PLA2G12B: variants seen among roughly 807,000 people sequenced by gnomAD.
The protein encoded by PLA2G12B is group XIIB secretory phospholipase A2-like protein.
In PLA2G12B, 19 loss-of-function variants were observed where a neutral mutation model predicts 22.3. That is an observed-to-expected ratio of 0.85 (90% CI 0.60 to 1.25). The LOEUF (loss-of-function observed/expected upper bound fraction) is 1.25, where lower values mean the gene tolerates loss of function less well. PLA2G12B is among the 50% of genes most tolerant of loss of function. The pLI is 0.00. For missense variants in PLA2G12B, 191 were observed against 246.6 expected, an observed-to-expected ratio of 0.77 and a Z score of 1.51; for synonymous variants, 81 against 94.9, an observed-to-expected ratio of 0.85 and a Z score of 0.85.
At chr10:72,937,942 C>G (rs1277948802) in intron 3 of PLA2G12B, among the ~76,000 whole-genome samples, 1 of 151,790 alleles carries the variant, frequency 6.6e-6, no homozygotes. Flanking sequence ...GGCGAAACCC[C>G]GTCTCTACTA....
chr10:72,939,712 A>G (rs983577251), intron 3 of PLA2G12B, among the ~76,000 whole-genome samples: 3 of 152,248 alleles, frequency 2.0e-5, no homozygotes, highest in Non-Finnish European at 4.4e-5. Context: ...ACGAAGGGAC[A>G]GTTCTGAGCC....
chr10:72,954,460 A>T lies in PLA2G12B; in HGVS notation c.211+15T>A, dbSNP rs1846583922. On this transcript the variant is annotated intron_variant, in intron 1 of 3. Coordinates refer to ENST00000373032, the MANE Select transcript of PLA2G12B (RefSeq NM_032562.5). ...CCAGCAACAGTTTTTACAGAAAGAGAAACCGCACACTCACCATATCGGCAC... is the reference window on the plus strand; with the variant it reads ...CCAGCAACAGTTTTTACAGAAAGAGTAACCGCACACTCACCATATCGGCAC... 2.5e-6 allele frequency: 4 copies of T among 1,614,144 alleles called. No individual in the cohort carries two copies. The highest frequency in any genetic ancestry group is 3.4e-6 in the Non-Finnish European group (4 of 1,180,016).
rs1031922382 is a variant in PLA2G12B, at chr10:72,942,576, C to T, written c.300+76G>A. 2.9e-5 allele frequency: 35 copies of T among 1,197,056 alleles called. No individual in the cohort carries two copies. The African/African-American group carries it at 3.9e-4, about 13-fold the overall frequency. 74.2% of individuals were successfully genotyped at this position (1,197,056 alleles called of 1,614,324 possible). ...TTCAACTTTTTTCCAGAAATAATCA[C>T]TTCCATCAAGGATAACTCTAGGATT... On this transcript the variant is annotated intron_variant, in intron 2 of 3. Transcript: ENST00000373032.
Position 72,954,724 on chromosome 10 carries a change from C to T in PLA2G12B, c.-39G>A. ...AGGTACTGGCTTCTCTCCTCAAACCCCAGCCAGTGTCCCAGAATTCCAGGG... is the reference window on the plus strand; with the variant it reads ...AGGTACTGGCTTCTCTCCTCAAACCTCAGCCAGTGTCCCAGAATTCCAGGG... On this transcript the variant is annotated 5_prime_UTR_variant, in exon 1 of 4. It introduces an in-frame stop codon into an upstream open reading frame of the 5' UTR. Coordinates refer to ENST00000373032, the MANE Select transcript of PLA2G12B (RefSeq NM_032562.5). 6.2e-7 allele frequency: 1 copy of T among 1,603,356 alleles called. No homozygotes were observed. Among genetic ancestry groups the T allele is most frequent in the Non-Finnish European group, 8.5e-7 (1 of 1,173,302 alleles).
intron 1 of PLA2G12B, among the ~76,000 whole-genome samples, chr10:72,954,090 G>A (rs1846575780): frequency 6.6e-6 from 1 of 150,616 alleles, no homozygotes; most frequent in African/African-American, 2.5e-5. Context: ...CCTCACAGAG[G>A]CCTCTCATAC....
intron 1 of PLA2G12B, among the ~76,000 whole-genome samples, chr10:72,943,607 T>C (rs1846395290): frequency 6.6e-6 from 1 of 152,208 alleles, no homozygotes; most frequent in Admixed American, 6.5e-5. Flanking sequence ...AATTTCTGTT[T>C]TTTAAGATCT....
chr10:72,940,676 A>C (rs1055644187), intron 3 of PLA2G12B, among the ~76,000 whole-genome samples: 1 of 152,154 alleles, frequency 6.6e-6, no homozygotes, highest in African/African-American at 2.4e-5. Context: ...TGTCTCAAAA[A>C]AAATTTTTTT....
chr10:72,941,762 C>T (rs962145811), intron 2 of PLA2G12B, among the ~76,000 whole-genome samples: 1 of 151,970 alleles, frequency 6.6e-6, no homozygotes, highest in Non-Finnish European at 1.5e-5. Flanking sequence ...ATTCAGCCTC[C>T]GTTCATCAAA....
chr10:72,954,067 A>T (rs1846575516), intron 1 of PLA2G12B, among the ~76,000 whole-genome samples: 1 of 152,084 alleles, frequency 6.6e-6, no homozygotes, highest in Non-Finnish European at 1.5e-5. Context: ...TTCAGTTTTC[A>T]TCCCTGGGAA....
At chr10:72,935,979 AC>A (rs1427666171) in intron 3 of PLA2G12B, among the ~76,000 whole-genome samples, 1 of 152,038 alleles carries the variant, frequency 6.6e-6, no homozygotes, top group African/African-American at 2.4e-5. Context: ...AGCAACCAGA[AC>A]CCCCCACACC....
chr10:72,944,205 C>A (rs1286353236), intron 1 of PLA2G12B, among the ~76,000 whole-genome samples: 1 of 152,118 alleles, frequency 6.6e-6, no homozygotes, highest in East Asian at 1.9e-4. Flanking sequence ...AGCCATGTAC[C>A]AAATGCACAA....
Position 72,954,529 on chromosome 10 carries a change from A to G in PLA2G12B, c.157T>C (p.Phe53Leu). ...FESVNSYFDS[F>L]LELLGGKNGV... ...TTCTTCCCTCCCAGCAGCTCCAGAA[A>G]AGAATCGAAGTAGCTATTGACGGAT... is the stretch of plus-strand genomic sequence containing the variant. The change falls in exon 1 of 4, where the codon TTT becomes CTT. Residue 53 changes from phenylalanine to leucine, a missense_variant. Phe to Leu is a conservative substitution (Grantham distance 22). Transcript: ENST00000373032. The G allele has an allele frequency of 3.1e-6, 5 of 1,614,196 alleles. No homozygotes were observed. The South Asian group carries it at 3.3e-5, about 11-fold the overall frequency.
At chr10:72,943,363 C>T (rs1451945186) in intron 1 of PLA2G12B, among the ~76,000 whole-genome samples, 1 of 152,088 alleles carries the variant, frequency 6.6e-6, no homozygotes, top group African/African-American at 2.4e-5. Context: ...TTCCTCATTC[C>T]TTCACTGCAA....
intron 2 of PLA2G12B, among the ~76,000 whole-genome samples, chr10:72,941,640 G>T (rs1233522729): frequency 6.6e-6 from 1 of 152,150 alleles, no homozygotes; most frequent in Non-Finnish European, 1.5e-5. Context: ...GAGACCAGAA[G>T]GGTAGTCAAG....
In PLA2G12B at chr10:72,941,224, G is replaced by T. The variant is rs377271378; in HGVS notation, c.411C>A (p.Leu137=). 4.0e-5 allele frequency: 64 copies of T among 1,613,990 alleles called. No homozygotes were observed. Among genetic ancestry groups the T allele is most frequent in the Admixed American group, 5.0e-5 (3 of 59,998 alleles). The change falls in exon 3 of 4, where the codon CTC becomes CTA. Residue 137 remains leucine (L), a synonymous_variant. Coordinates refer to ENST00000373032, the MANE Select transcript of PLA2G12B (RefSeq NM_032562.5). ...YRCDAKFRWC[L]HSICSDLKRS... The stretch of plus-strand genomic sequence containing the variant: ...GCTTAAGGTCAGAGCAGATCGAGTG[G>T]AGACACCATCGGAATTTTGCATCAC...
chr10:72,944,247 C>T (rs541253084), intron 1 of PLA2G12B, among the ~76,000 whole-genome samples: 1 of 152,092 alleles, frequency 6.6e-6, no homozygotes, highest in Non-Finnish European at 1.5e-5. Context: ...GCCAAACTTG[C>T]TATAAATTTT....
intron 1 of PLA2G12B, among the ~76,000 whole-genome samples, chr10:72,947,442 G>T (rs576827622): frequency 2.0e-5 from 3 of 152,034 alleles, no homozygotes; most frequent in Admixed American, 6.6e-5. Flanking sequence ...GTTTGGCTAT[G>T]TTGCCCAAGC....
intron 1 of PLA2G12B, among the ~76,000 whole-genome samples, chr10:72,945,653 G>GT (rs113655052): frequency 1.8e-3 from 268 of 146,374 alleles, no homozygotes; most frequent in Middle Eastern, 7.0e-3. Flanking sequence ...CCATTATGAT[G>GT]TTTTTTTTTT....
At chr10:72,940,104 C>T (rs190236244) in intron 3 of PLA2G12B, among the ~76,000 whole-genome samples, 4 of 152,292 alleles carry the variant, frequency 2.6e-5, no homozygotes, top group Middle Eastern at 3.4e-3. Context: ...GAATGATACT[C>T]CCTTTCATAG....
Sources: allele counts gnomAD v4.1 joint callset (sites outside exome capture counted in the v4.1 genomes callset), GRCh38; gene constraint gnomAD v4.1.1; transcripts MANE v1.5; gene names NCBI Gene and HGNC (gene_info 2026-07-23, HGNC 2026-07-21).